Variants in CAMK2G observed in about 807,000 individuals in gnomAD.
CAMK2G encodes calcium/calmodulin dependent protein kinase II gamma.
In CAMK2G, 23 loss-of-function variants were observed where a neutral mutation model predicts 88.7. The observed-to-expected ratio is 0.26, with a 90% CI of 0.19 to 0.37. CAMK2G has a LOEUF of 0.37. Among genes scored for constraint, CAMK2G ranks in the 10% least tolerant of loss-of-function variants. The pLI is 1.00. For synonymous variants in CAMK2G, 263 were observed against 294.8 expected, an observed-to-expected ratio of 0.89 and a Z score of 1.11; for missense variants, 476 against 780.8, an observed-to-expected ratio of 0.61 and a Z score of 4.65.
chr10:73,834,012 G>A (rs1478697252), intron 14 of CAMK2G, among the ~76,000 whole-genome samples: 2 of 128,678 alleles, frequency 1.6e-5, no homozygotes, highest in African/African-American at 6.1e-5. Context: ...TCCGCCTCCC[G>A]GGTTCACGCC....
intron 2 of CAMK2G, among the ~76,000 whole-genome samples, chr10:73,866,856 C>G (rs2135784625): frequency 6.6e-6 from 1 of 152,338 alleles, no homozygotes; most frequent in East Asian, 1.9e-4. Context: ...TGCTTATGCA[C>G]AGCCCTGGGC....
chr10:73,874,114 T>G (rs1591548836), intron 1 of CAMK2G, among the ~76,000 whole-genome samples: 1 of 46,280 alleles, frequency 2.2e-5, no homozygotes, highest in South Asian at 8.1e-4. Context: ...GCCTGAAGGG[T>G]GCGGAGGGGC....
chr10:73,815,141 G>A lies in CAMK2G; in HGVS notation c.1641C>T (p.Tyr547=), dbSNP rs147168283. Residue 547 remains tyrosine (Y), a synonymous_variant, in exon 22 of 23, where the codon TAC becomes TAT. Transcript: ENST00000423381. ...TGCGAGGCCGACCCTGCCCGTCGAT[G>A]TACTGGGTGAGGCGGATGTAGGCGA... ...ACIAYIRLTQ[Y]IDGQGRPRTS... is the part of the protein sequence containing the mutation. The A allele has an allele frequency of 4.3e-6, 7 of 1,614,116 alleles. No individual in the cohort carries two copies. Among genetic ancestry groups the A allele is most frequent in the Admixed American group, 3.3e-5 (2 of 60,008 alleles).
rs772786148 is a variant in CAMK2G at position 73,815,096 on chromosome 10, G to T, written c.1686C>A (p.Thr562=). Residue 562 remains threonine (T), a synonymous_variant, in exon 22 of 23, where the codon ACC becomes ACA. Coordinates refer to ENST00000423381, the MANE Select transcript of CAMK2G (RefSeq NM_001367534.1). ...GRPRTSQSEE[T]RVWHRRDGKW... ...TGCCATCCCGACGGTGCCAGACCCG[G>T]GTCTCTTCTGACTGGCTGGTGCGAG... The T allele has an allele frequency of 3.7e-6, 6 of 1,614,222 alleles. No homozygotes were observed. Among genetic ancestry groups the T allele is most frequent in the Non-Finnish European group, 4.2e-6 (5 of 1,180,034 alleles).
At chr10:73,873,656 C>T (rs887186322) in intron 1 of CAMK2G, 9 of 363,890 alleles carry the variant, frequency 2.5e-5, no homozygotes, top group Non-Finnish European at 3.4e-5. Flanking sequence ...CAAGAACTCC[C>T]CTTCCCATGC....
At chr10:73,824,914 T>G (rs2090391997) in intron 16 of CAMK2G, among the ~76,000 whole-genome samples, 1 of 152,120 alleles carries the variant, frequency 6.6e-6, no homozygotes, top group South Asian at 2.1e-4. Flanking sequence ...AGAACTGATG[T>G]TCAGGTCCCA....
intron 12 of CAMK2G, chr10:73,841,887 A>C (rs1590562850): frequency 2.3e-6 from 1 of 437,988 alleles, no homozygotes; most frequent in African/African-American, 2.0e-5. Flanking sequence ...GAGAGTCTTC[A>C]GAGAGTTAAA....
intron 1 of CAMK2G, chr10:73,873,562 G>A (rs2095924899): frequency 2.0e-6 from 2 of 992,730 alleles, no homozygotes; most frequent in South Asian, 4.5e-5. Context: ...GGCAAAGTGA[G>A]GCTCAAACCC....
chr10:73,842,042 C>G lies in CAMK2G; in HGVS notation c.946+127G>C. The G allele has an allele frequency of 3.9e-6, 3 of 760,388 alleles. No homozygotes were observed. The South Asian group carries it at 4.4e-5, about 11-fold the overall frequency. 47.1% of individuals were successfully genotyped at this position (760,388 alleles called of 1,614,324 possible). On this transcript the variant is annotated intron_variant, in intron 12 of 22. Coordinates refer to ENST00000423381, the MANE Select transcript of CAMK2G (RefSeq NM_001367534.1). This position sits in a 1 kb window ranked among gnomAD's most constrained non-coding sequence, Gnocchi z 4.6. ...CAGCAGCAGCCCCTCAAAACAGGAT[C>G]CTCACTCGCCCTGGTCAAGGTGTGG...
At position 73,824,971 on chromosome 10, in the gene CAMK2G, C is replaced by A. The variant is rs1274359066; in HGVS notation, c.1155+308G>T. Among the ~76,000 whole-genome samples, 3 of 152,368 alleles carry A rather than the reference C, an allele frequency of 2.0e-5. No homozygotes were observed. In the East Asian group the frequency reaches 5.8e-4, roughly 29 times the overall value. The stretch of plus-strand genomic sequence containing the variant: ...TTCCTAAGCAACTCACCTTCCCAGC[C>A]CCCACAGCAGACCCACTAGGGGTCC... On this transcript the variant is annotated intron_variant, in intron 16 of 22. Transcript: ENST00000423381.
intron 2 of CAMK2G, among the ~76,000 whole-genome samples, chr10:73,863,202 T>A (rs189801414): frequency 6.6e-6 from 1 of 152,356 alleles, no homozygotes; most frequent in Non-Finnish European, 1.5e-5. Context: ...CCGTCCCAGC[T>A]GCCCAAAGAT....
chr10:73,853,163 C>A, intron 4 of CAMK2G, 29 bp downstream of exon 4: 3 of 1,606,148 alleles, frequency 1.9e-6, no homozygotes, highest in Non-Finnish European at 2.6e-6. Flanking sequence ...GAGGGAAAGG[C>A]CCCCACACCC....
In CAMK2G at chr10:73,821,745, G is replaced by T. The variant is rs946797621; in HGVS notation, c.1201-15C>A. Reference sequence around the variant, plus strand: ...TCTGTGGAGCCCTGTAGGCCAAAAAGAACATGTTTCTATATGCTCCATCCC... The same window carrying T: ...TCTGTGGAGCCCTGTAGGCCAAAAATAACATGTTTCTATATGCTCCATCCC... On this transcript the variant is annotated splice_polypyrimidine_tract_variant and intron_variant, in intron 17 of 22. Transcript: ENST00000423381. 19 of 1,606,946 alleles carry T rather than the reference G, an allele frequency of 1.2e-5. No individual in the cohort carries two copies. The highest frequency in any genetic ancestry group is 1.7e-5 in the Admixed American group (1 of 59,526).
intron 13 of CAMK2G, 86 bp from the exon 14 acceptor site, chr10:73,837,597 G>T: frequency 1.8e-6 from 2 of 1,093,016 alleles, no homozygotes; most frequent in Non-Finnish European, 1.4e-6. Context: ...ACAAGAGAGT[G>T]CTGTGTCTGA....
intron 3 of CAMK2G, 43 bp from the exon 4 acceptor site, chr10:73,853,289 C>T: frequency 6.3e-7 from 1 of 1,576,030 alleles, no homozygotes; most frequent in Non-Finnish European, 8.7e-7. Context: ...AGAGAGAAAA[C>T]TTGGAAATCC....
At position 73,815,096 on chromosome 10, in the gene CAMK2G, G is replaced by C; in HGVS notation, c.1686C>G (p.Thr562=). ...TGCCATCCCGACGGTGCCAGACCCG[G>C]GTCTCTTCTGACTGGCTGGTGCGAG... ...GRPRTSQSEE[T]RVWHRRDGKW... The change falls in exon 22 of 23, where the codon ACC becomes ACG. Residue 562 remains threonine, a synonymous_variant. Coordinates refer to ENST00000423381, the MANE Select transcript of CAMK2G (RefSeq NM_001367534.1). The C allele has an allele frequency of 6.2e-7, 1 of 1,614,222 alleles. No individual in the cohort carries two copies. The highest frequency in any genetic ancestry group is 2.2e-5 in the East Asian group (1 of 44,890).
intron 2 of CAMK2G, among the ~76,000 whole-genome samples, chr10:73,865,742 A>G (rs1391132251): frequency 6.6e-6 from 1 of 152,032 alleles, no homozygotes; most frequent in Non-Finnish European, 1.5e-5. Context: ...TCGGCATCTC[A>G]AGGTGCTGCA....
rs902504556 is a variant in CAMK2G, at chr10:73,812,893, C to G, written c.*1625G>C. On this transcript the variant is annotated 3_prime_UTR_variant, in exon 23 of 23. Transcript: ENST00000423381. ...GCTAGGGCCCAGGGGCTGGGACATG[C>G]ATGAGGTGCTCGGAGGAGCCTGGCT... 5.9e-5 allele frequency: 9 copies of G among 152,734 alleles called. No homozygotes were observed. The highest frequency in any genetic ancestry group is 2.2e-4 in the African/African-American group (9 of 41,474). The allele number at this position is 152,734 out of a possible 1,614,324, so 9.5% of individuals were successfully genotyped here. A position where few individuals can be genotyped will look rare whatever the true frequency, so the allele number is the denominator to read the frequency against.
intron 9 of CAMK2G, 24 bp from the exon 10 acceptor site, chr10:73,847,371 G>T: frequency 1.9e-6 from 3 of 1,613,620 alleles, no homozygotes; most frequent in Non-Finnish European, 2.5e-6. Flanking sequence ...ATAGGGAGAA[G>T]AATGTGGTAT....
Sources: gnomAD v4.1 joint callset for allele counts (sites outside exome capture counted in the v4.1 genomes callset) on GRCh38, gnomAD v4.1.1 for gene constraint, Gnocchi (gnomAD v3.1) non-coding constraint, MANE v1.5 for transcripts, NCBI Gene and HGNC (gene_info 2026-07-23, HGNC 2026-07-21) for gene names.